TLK1: variants seen among roughly 807,000 people sequenced by gnomAD.
TLK1 encodes the protein tousled like kinase 1.
A neutral mutation model predicts 105.3 loss-of-function variants in TLK1; 24 were observed. That is an observed-to-expected ratio of 0.23 (90% CI 0.17 to 0.32). TLK1 has a LOEUF of 0.32. Among genes scored for constraint, TLK1 ranks in the 10% least tolerant of loss-of-function variants. TLK1 has a pLI of 1.00. For missense variants in TLK1, 558 were observed against 910.5 expected (o/e 0.61, Z 4.98); for synonymous variants, 321 against 310.4 (o/e 1.03, Z -0.36).
At chr2:171,007,223 A>G (rs1029831489) in intron 14 of TLK1, among the ~76,000 whole-genome samples, 160 bp from the exon 15 acceptor site, 2 of 152,108 alleles carry the variant, frequency 1.3e-5, no homozygotes, top group Non-Finnish European at 2.9e-5. Flanking sequence ...GCTCAATGAC[A>G]CTTTTATTAT....
intron 1 of TLK1, among the ~76,000 whole-genome samples, chr2:171,217,399 T>C (rs535381742): frequency 6.6e-6 from 1 of 152,274 alleles, no homozygotes; most frequent in South Asian, 2.1e-4. Context: ...TAAGGAAAAA[T>C]GACCATTTTG....
intron 11 of TLK1, among the ~76,000 whole-genome samples, chr2:171,038,829 T>C (rs1489835083): frequency 1.3e-5 from 2 of 152,220 alleles, no homozygotes; most frequent in Admixed American, 6.5e-5. Flanking sequence ...TATATGTCCA[T>C]TGGTTCAAGT....
chr2:171,200,160 C>T (rs746362553), intron 1 of TLK1, among the ~76,000 whole-genome samples: 2 of 152,146 alleles, frequency 1.3e-5, no homozygotes, highest in African/African-American at 4.8e-5. Flanking sequence ...TTGGAAAACA[C>T]GGTAGAAATA....
intron 18 of TLK1, among the ~76,000 whole-genome samples, chr2:171,002,384 G>A (rs928402628): frequency 4.6e-5 from 7 of 151,774 alleles, no homozygotes; most frequent in Non-Finnish European, 8.8e-5. Flanking sequence ...TCAGCCTCCC[G>A]AGTAGCTAGG....
chr2:171,085,281 T>A (rs1012263365), intron 2 of TLK1, among the ~76,000 whole-genome samples: 4 of 151,846 alleles, frequency 2.6e-5, no homozygotes, highest in African/African-American at 7.3e-5. Context: ...TCCCAGATAC[T>A]TGGGAGGCTG....
intron 1 of TLK1, among the ~76,000 whole-genome samples, chr2:171,196,356 A>G (rs1390394173): frequency 2.0e-5 from 3 of 152,134 alleles, no homozygotes; most frequent in East Asian, 1.9e-4. Flanking sequence ...ACCTCAGGTG[A>G]TCTGCCCGCC....
intron 3 of TLK1, among the ~76,000 whole-genome samples, chr2:171,075,356 C>T (rs1358151556): frequency 6.6e-6 from 1 of 151,990 alleles, no homozygotes; most frequent in Non-Finnish European, 1.5e-5. Flanking sequence ...ATGAAAAATA[C>T]ACAGTAATTT....
intron 20 of TLK1, among the ~76,000 whole-genome samples, chr2:170,996,008 G>GT (rs1193427845): frequency 1.3e-5 from 2 of 148,598 alleles, no homozygotes; most frequent in Non-Finnish European, 3.0e-5. Flanking sequence ...GGCCTATTTG[G>GT]TTTTTTTGAG....
intron 1 of TLK1, among the ~76,000 whole-genome samples, chr2:171,131,827 C>A (rs1481975673): frequency 6.6e-6 from 1 of 151,896 alleles, no homozygotes; most frequent in Non-Finnish European, 1.5e-5. Flanking sequence ...TCTTTTTTTC[C>A]ACATACTTTT....
At position 171,143,506 on chromosome 2, in the gene TLK1, C is replaced by A. The variant is rs1241219924; in HGVS notation, c.139+16784G>T. Among the ~76,000 whole-genome samples the A allele has an allele frequency of 1.0e-3, 45 of 44,304 alleles. 1 individual carries two copies. In the South Asian group the frequency reaches 0.035, roughly 34 times the overall value. The allele number at this position is 44,304 out of a possible 152,430, so 29.1% of individuals were successfully genotyped here. On this transcript the variant is annotated intron_variant, in intron 1 of 20. Coordinates refer to ENST00000431350, the MANE Select transcript of TLK1 (RefSeq NM_012290.5). ...GGGCAGAAGAGTGGGACTCTATCTC[C>A]AAAAAAAAAAAAAAAAAAAAAAAAA...
intron 2 of TLK1, among the ~76,000 whole-genome samples, chr2:171,106,628 C>T (rs1472466142): frequency 1.3e-5 from 2 of 152,108 alleles, no homozygotes; most frequent in African/African-American, 4.8e-5. Flanking sequence ...CCTTTCTACC[C>T]GACCCTCTCT....
At chr2:171,185,422 A>G (rs891993621) in intron 1 of TLK1, among the ~76,000 whole-genome samples, 2 of 152,182 alleles carry the variant, frequency 1.3e-5, no homozygotes, top group Non-Finnish European at 2.9e-5. Context: ...TATGGCAAAT[A>G]AAAAGGATAT....
In TLK1 at chr2:171,160,404, T is replaced by C; in HGVS notation, c.25A>G (p.Ser9Gly). 6.2e-7 allele frequency: 1 copy of C among 1,603,072 alleles called. No homozygotes were observed. MSVQSSSG[S>G]LEGPPSWSQL... ...GACCAAGATGGCGGCCCCTCCAAAC[T>C]TCCACTGCTACTTTGGACACTCATC... Residue 9 changes from serine to glycine, a missense_variant, in exon 1 of 21, where the codon AGT becomes GGT. Around this residue, in one of 5 missense-constraint regions of TLK1, gnomAD observed 104 missense variants for 116.0 expected, o/e 0.90. Transcript: ENST00000431350. The surrounding 1 kb of genome is among the most constrained non-coding windows in gnomAD (Gnocchi z 4.4).
chr2:171,085,856 T>C (rs1688949677), intron 2 of TLK1, among the ~76,000 whole-genome samples: 1 of 152,196 alleles, frequency 6.6e-6, no homozygotes, highest in Non-Finnish European at 1.5e-5. Context: ...TAATATTTAA[T>C]GACTAAATGC....
At position 171,059,926 on chromosome 2, in the gene TLK1, C is replaced by A. The variant is rs557674087; in HGVS notation, c.406+1155G>T. On this transcript the variant is annotated intron_variant, in intron 4 of 20. Coordinates refer to ENST00000431350, the MANE Select transcript of TLK1 (RefSeq NM_012290.5). Reference sequence around the variant, plus strand: ...ATGCTCACTGGCCCGCTGCTCACCTCCTGCTGTACGACCCATTTCCCAATA... The same window carrying A: ...ATGCTCACTGGCCCGCTGCTCACCTACTGCTGTACGACCCATTTCCCAATA... The A allele has an allele frequency of 9.5e-6, 14 of 1,471,616 alleles. No individual in the cohort carries two copies. The East Asian group carries it at 2.9e-4, about 31-fold the overall frequency. The allele number at this position is 1,471,616 out of a possible 1,614,324, so 91.2% of individuals were successfully genotyped here. A position where few individuals can be genotyped will look rare whatever the true frequency, so the allele number is the denominator to read the frequency against.
At position 171,063,441 on chromosome 2, in the gene TLK1, G is replaced by A. The variant is rs549925362; in HGVS notation, c.331-2285C>T. 7.9e-5 allele frequency among the ~76,000 whole-genome samples: 12 copies of A among 152,080 alleles called. No individual in the cohort carries two copies. In the East Asian group the frequency reaches 1.2e-3, roughly 15 times the overall value. ...TAACTTAATTTATATATAAAAAAGCGAAGAAAACATAATTTTTCAGAATCC... is the reference window on the plus strand; with the variant it reads ...TAACTTAATTTATATATAAAAAAGCAAAGAAAACATAATTTTTCAGAATCC... On this transcript the variant is annotated intron_variant, in intron 3 of 20. Coordinates refer to ENST00000431350, the MANE Select transcript of TLK1 (RefSeq NM_012290.5).
At chr2:171,071,088 T>C (rs1283270035) in intron 3 of TLK1, among the ~76,000 whole-genome samples, 1 of 152,232 alleles carries the variant, frequency 6.6e-6, no homozygotes, top group African/African-American at 2.4e-5. Flanking sequence ...GAAATGTCTC[T>C]TCAAATCTTT....
At chr2:171,026,888 T>C (rs1685800287) in intron 12 of TLK1, among the ~76,000 whole-genome samples, 2 of 152,080 alleles carry the variant, frequency 1.3e-5, no homozygotes, top group South Asian at 2.1e-4. Context: ...GTCAACTAAG[T>C]CTCAAAGCGC....
At chr2:171,013,119 T>C (rs1199220428) in intron 13 of TLK1, among the ~76,000 whole-genome samples, 1 of 151,546 alleles carries the variant, frequency 6.6e-6, no homozygotes, top group African/African-American at 2.4e-5. Context: ...TTCAAGTGAT[T>C]CTCCTGCCTC....
Sources: gnomAD v4.1 joint callset for allele counts (sites outside exome capture counted in the v4.1 genomes callset) on GRCh38, gnomAD v4.1.1 for gene constraint, gnomAD v4.1.1 regional missense constraint, Gnocchi (gnomAD v3.1) non-coding constraint, MANE v1.5 for transcripts, NCBI Gene and HGNC (gene_info 2026-07-23, HGNC 2026-07-21) for gene names.